CKAP5: variants seen among roughly 807,000 people sequenced by gnomAD.
The protein encoded by CKAP5 is cytoskeleton-associated protein 5.
CKAP5 carries 27 observed loss-of-function variants against 232.8 expected under a neutral mutation model. The ratio of observed to expected loss-of-function variants is 0.12; its 90% confidence interval spans 0.09 to 0.16. The LOEUF (loss-of-function observed/expected upper bound fraction) is 0.16. Among genes scored for constraint, CKAP5 ranks in the 10% least tolerant of loss-of-function variants. CKAP5 has a pLI of 1.00. For missense variants in CKAP5, 1,838 were observed against 2,424.7 expected, an observed-to-expected ratio of 0.76 and a Z score of 5.08; for synonymous variants, 785 against 841.1, an observed-to-expected ratio of 0.93 and a Z score of 1.16.
At chr11:46,795,520 T>C in intron 13 of CKAP5, 74 bp downstream of exon 13, 2 of 1,248,034 alleles carry the variant, frequency 1.6e-6, no homozygotes, top group Non-Finnish European at 2.2e-6. Flanking sequence ...AACAAAATAA[T>C]TTTAGAGGAA....
At chr11:46,825,366 C>A (rs1200200833) in intron 1 of CKAP5, among the ~76,000 whole-genome samples, 1 of 152,122 alleles carries the variant, frequency 6.6e-6, no homozygotes. Context: ...GGGCCTAGAA[C>A]CTATGTCTCC....
intron 42 of CKAP5, among the ~76,000 whole-genome samples, chr11:46,745,379 T>C (rs191634424): frequency 6.6e-6 from 1 of 152,218 alleles, no homozygotes; most frequent in Non-Finnish European, 1.5e-5. Context: ...GAAAAATGAA[T>C]GAAGAATTAT....
rs539229495 is a variant in CKAP5 at position 46,749,843 on chromosome 11, C to T, written c.5704+431G>A. Among the ~76,000 whole-genome samples, 548 of 150,868 alleles carry T rather than the reference C, an allele frequency of 3.6e-3. 1 individual carries two copies. The highest frequency in any genetic ancestry group is 6.8e-3 in the Middle Eastern group (2 of 292). ...GCGCATGCCTGTAATCCCAGCTACT[C>T]GGGAGGCTGAGGCAGGAGAATAGCT... On this transcript the variant is annotated intron_variant, in intron 42 of 43. Transcript: ENST00000529230.
At position 46,759,036 on chromosome 11, in the gene CKAP5, C is replaced by T; in HGVS notation, c.4576G>A (p.Ala1526Thr). ...ATGTCATCGAAGTGTGGAGAAACAG[C>T]CCGGATCCTAGATAGCAGAACAAAG... Reference protein sequence around the residue: ...PVLIPEPKIRAVSPHFDDMHS... With the variant: ...PVLIPEPKIRTVSPHFDDMHS... The change falls in exon 35 of 44, where the codon GCT (alanine) becomes ACT (threonine). Residue 1526 changes from alanine to threonine, a missense_variant. By Grantham distance (58) the Ala-to-Thr change is moderately conservative. Around this residue, in one of 6 missense-constraint regions of CKAP5, gnomAD observed 579 missense variants for 843.2 expected, o/e 0.69. Coordinates refer to ENST00000529230, the MANE Select transcript of CKAP5 (RefSeq NM_001008938.4). The T allele has an allele frequency of 1.2e-6, 2 of 1,612,778 alleles. No individual in the cohort carries two copies. The highest frequency in any genetic ancestry group is 1.1e-5 in the South Asian group (1 of 90,986).
rs191597919 is a variant in CKAP5, at chr11:46,833,223, A to G, written c.-37-11955T>C. Among the ~76,000 whole-genome samples the G allele has an allele frequency of 2.8e-3, 422 of 152,188 alleles. 2 individuals are homozygous for G. The highest frequency in any genetic ancestry group is 9.6e-3 in the African/African-American group (400 of 41,536). On this transcript the variant is annotated intron_variant, in intron 1 of 43. Transcript: ENST00000529230. ...AAACTAAATGAAATTAATAGGGGTT[A>G]TCCAAGCAAAGGCAAAAAGTAGGGA...
At chr11:46,833,384 T>C (rs1939836688) in intron 1 of CKAP5, among the ~76,000 whole-genome samples, 1 of 152,126 alleles carries the variant, frequency 6.6e-6, no homozygotes, top group African/African-American at 2.4e-5. Context: ...TCCAGTGGAT[T>C]TTATGCAAGT....
intron 36 of CKAP5, among the ~76,000 whole-genome samples, chr11:46,754,380 C>A (rs1272038725): frequency 6.6e-6 from 1 of 152,170 alleles, no homozygotes; most frequent in Non-Finnish European, 1.5e-5. Context: ...TAAGTCCACC[C>A]TTTTAGCCCC....
chr11:46,747,113 T>C (rs572657169), intron 42 of CKAP5, among the ~76,000 whole-genome samples: 1 of 152,006 alleles, frequency 6.6e-6, no homozygotes, highest in East Asian at 2.0e-4. Flanking sequence ...CCAGCCTGGA[T>C]GACAGAGTGA....
chr11:46,812,598 A>G lies in CKAP5; in HGVS notation c.459-1420T>C, dbSNP rs1474764054. On this transcript the variant is annotated intron_variant, in intron 4 of 43. Coordinates refer to ENST00000529230, the MANE Select transcript of CKAP5 (RefSeq NM_001008938.4). ...GCAAATGCAACAAAATTACTCAGTAATAGCTACTAGTGTACTCCAACGATT... is the reference window on the plus strand; with the variant it reads ...GCAAATGCAACAAAATTACTCAGTAGTAGCTACTAGTGTACTCCAACGATT... 2.0e-5 allele frequency among the ~76,000 whole-genome samples: 3 copies of G among 152,174 alleles called. No individual in the cohort carries two copies. The East Asian group carries it at 5.8e-4, about 29-fold the overall frequency.
Position 46,795,508 on chromosome 11 carries a change from CA to C in CKAP5, c.1650+85del. ...TAATGTGGCCAATGAATTCATTTCT[CA>C]AACAAAATAATTTTAGAGGAACAAC... is the stretch of plus-strand genomic sequence containing the variant. On this transcript the variant is annotated intron_variant, in intron 13 of 43. Coordinates refer to ENST00000529230, the MANE Select transcript of CKAP5 (RefSeq NM_001008938.4). 3.6e-6 allele frequency: 4 copies of C among 1,121,316 alleles called. No individual in the cohort carries two copies. In the South Asian group the frequency reaches 6.9e-5, roughly 19 times the overall value. The allele number at this position is 1,121,316 out of a possible 1,614,324, so 69.5% of individuals were successfully genotyped here.
At chr11:46,814,833 T>C (rs1939361583) in intron 4 of CKAP5, among the ~76,000 whole-genome samples, 1 of 152,184 alleles carries the variant, frequency 6.6e-6, no homozygotes, top group Non-Finnish European at 1.5e-5. Context: ...CATATAGCAT[T>C]TGCTTCTACT....
In CKAP5 at chr11:46,767,771, T is replaced by C. The variant is rs1261675115; in HGVS notation, c.3323-108A>G. 6 of 637,358 alleles carry C rather than the reference T, an allele frequency of 9.4e-6. No individual in the cohort carries two copies. The East Asian group carries it at 1.8e-4, about 19-fold the overall frequency. 39.5% of individuals were successfully genotyped at this position (637,358 alleles called of 1,614,324 possible). On this transcript the variant is annotated intron_variant, in intron 26 of 43. Transcript: ENST00000529230. Reference sequence around the variant, plus strand: ...AAGGAAGCTTGCAGTCTTAAATGTATCAATTTATAAGATGTTTTCAGTTAG... The same window carrying C: ...AAGGAAGCTTGCAGTCTTAAATGTACCAATTTATAAGATGTTTTCAGTTAG...
intron 1 of CKAP5, among the ~76,000 whole-genome samples, chr11:46,836,290 T>C (rs1939915781): frequency 2.0e-5 from 3 of 152,230 alleles, no homozygotes; most frequent in Admixed American, 6.5e-5. Flanking sequence ...CACATCATCT[T>C]TGCAACTTTT....
At chr11:46,784,171 C>T (rs1379908317) in intron 17 of CKAP5, among the ~76,000 whole-genome samples, 4 of 151,832 alleles carry the variant, frequency 2.6e-5, no homozygotes, top group African/African-American at 7.2e-5. Flanking sequence ...GAGTTCGAGA[C>T]AAGCCTGGCC....
intron 4 of CKAP5, among the ~76,000 whole-genome samples, chr11:46,813,926 G>A (rs1939333888): frequency 6.6e-6 from 1 of 151,790 alleles, no homozygotes; most frequent in Admixed American, 6.6e-5. Context: ...GATGCCAGGA[G>A]TTCCAGACCA....
At chr11:46,839,031 T>A (rs1939986063) in intron 1 of CKAP5, among the ~76,000 whole-genome samples, 3 of 151,506 alleles carry the variant, frequency 2.0e-5, no homozygotes, top group Admixed American at 2.0e-4. Flanking sequence ...TGAGGTAACC[T>A]CAAAGGAAAA....
chr11:46,825,108 G>T (rs1156738538), intron 1 of CKAP5, among the ~76,000 whole-genome samples: 1 of 152,120 alleles, frequency 6.6e-6, no homozygotes, highest in Non-Finnish European at 1.5e-5. Flanking sequence ...TGCTGAAAAG[G>T]TTTAGGCATA....
intron 18 of CKAP5, 38 bp from the exon 19 acceptor site, chr11:46,780,523 A>C: frequency 6.4e-7 from 1 of 1,560,364 alleles, no homozygotes; most frequent in East Asian, 2.3e-5. Flanking sequence ...AAACAAATGA[A>C]ACCCTCAAAA....
intron 8 of CKAP5, among the ~76,000 whole-genome samples, chr11:46,802,698 T>A (rs971186764): frequency 3.3e-5 from 5 of 152,174 alleles, no homozygotes; most frequent in African/African-American, 1.2e-4. Flanking sequence ...CCAGTCTACT[T>A]TGAATTTTAT....
Sources: allele counts gnomAD v4.1 joint callset (sites outside exome capture counted in the v4.1 genomes callset), GRCh38; gene constraint gnomAD v4.1.1; regional missense constraint gnomAD v4.1.1; transcripts MANE v1.5; gene names NCBI Gene and HGNC (gene_info 2026-07-23, HGNC 2026-07-21).